Variants in HDLBP observed in about 807,000 individuals in gnomAD.
HDLBP encodes high density lipoprotein binding protein.
Under a neutral mutation model 137.3 loss-of-function variants are expected in HDLBP, and 30 were observed. The observed-to-expected ratio is 0.22, with a 90% CI of 0.16 to 0.30. The LOEUF (loss-of-function observed/expected upper bound fraction) is 0.30, where lower values mean the gene tolerates loss of function less well. Among genes scored for constraint, HDLBP ranks in the 10% least tolerant of loss-of-function variants. HDLBP has a pLI of 1.00. For synonymous variants in HDLBP, 606 were observed against 596.0 expected (o/e 1.02, Z -0.24); for missense variants, 1,119 against 1,667.3 (o/e 0.67, Z 5.73).
At chr2:241,276,602 T>C (rs2074395027) in intron 1 of HDLBP, among the ~76,000 whole-genome samples, 1 of 152,070 alleles carries the variant, frequency 6.6e-6, no homozygotes, top group Admixed American at 6.6e-5. Context: ...TACAGACATA[T>C]AGGCTGAAAT....
chr2:241,233,904 G>T lies in HDLBP; in HGVS notation c.3204C>A (p.Ile1068=). 1 of 1,613,846 alleles carries T rather than the reference G, an allele frequency of 6.2e-7. No individual in the cohort carries two copies. The highest frequency in any genetic ancestry group is 2.2e-5 in the East Asian group (1 of 44,880). The part of the protein sequence containing the change: ...TVDPKYHPKI[I]GRKGAVITQI... ...GGGTAATTACTGCCCCCTTTCTCCCGATAATCTTGGGATGGTATTTGGGGT... is the reference window on the plus strand; with the variant it reads ...GGGTAATTACTGCCCCCTTTCTCCCTATAATCTTGGGATGGTATTTGGGGT... The change falls in exon 24 of 28, where the codon ATC becomes ATA. Residue 1068 remains isoleucine (I), a synonymous_variant. Transcript: ENST00000310931. The surrounding 1 kb of genome is among the most constrained non-coding windows in gnomAD (Gnocchi z 4.3).
At chr2:241,246,524 A>C in intron 16 of HDLBP, 1 of 476,128 alleles carries the variant, frequency 2.1e-6, no homozygotes. Context: ...TAATAAGACA[A>C]GTGCCCACGT....
intron 1 of HDLBP, among the ~76,000 whole-genome samples, chr2:241,312,371 C>G (rs975869552): frequency 6.6e-6 from 1 of 152,202 alleles, no homozygotes; most frequent in Non-Finnish European, 1.5e-5. Flanking sequence ...TCTAAAATGT[C>G]TCTGACTTTA....
chr2:241,297,029 G>C lies in HDLBP; in HGVS notation c.-103+18541C>G, dbSNP rs116804115. ...TACCAACAAGAATCCAACGGCTCAC[G>C]TATCAGTCTGGAAAAAGCACAGACT... On this transcript the variant is annotated intron_variant, in intron 1 of 27. Coordinates refer to ENST00000310931, the MANE Select transcript of HDLBP (RefSeq NM_005336.6). 1.6e-3 allele frequency among the ~76,000 whole-genome samples: 245 copies of C among 152,380 alleles called. 1 individual carries two copies. Among genetic ancestry groups the C allele is most frequent in the African/African-American group, 3.9e-3 (161 of 41,598 alleles).
rs986087495 is a variant in HDLBP, at chr2:241,230,435, G to C, written c.3475-166C>G. Among the ~76,000 whole-genome samples, 2 of 152,256 alleles carry C rather than the reference G, an allele frequency of 1.3e-5. No homozygotes were observed. The highest frequency in any genetic ancestry group is 2.9e-5 in the Non-Finnish European group (2 of 68,044). ...GCCTCATCACCACACCAAGTTAGGT[G>C]TATCTCAGGAGCACCTTGTTCCCAG... On this transcript the variant is annotated intron_variant, in intron 25 of 27. Transcript: ENST00000310931. This position sits in a 1 kb window ranked among gnomAD's most constrained non-coding sequence, Gnocchi z 5.0.
chr2:241,236,576 G>A, intron 21 of HDLBP, 39 bp downstream of exon 21: 1 of 1,607,264 alleles, frequency 6.2e-7, no homozygotes, highest in Non-Finnish European at 8.5e-7. Flanking sequence ...TGCTGACTGG[G>A]CCTTGGCGGG....
chr2:241,248,011 C>T lies in HDLBP; in HGVS notation c.1723G>A (p.Ala575Thr), dbSNP rs1452996011. The change falls in exon 14 of 28, where the codon GCA becomes ACA. Residue 575 changes from alanine (A) to threonine (T), a missense_variant. This residue lies in a region of HDLBP where 425 missense variants were observed against 693.9 expected (regional missense o/e 0.61). Transcript: ENST00000310931. ...KCTKYMQKMV[A>T]DLVENSYSIS... ...ATGTGAAACACCCCTACCAGATCTG[C>T]CACCATCTTCTGCATGTATTTTGTG... is the stretch of plus-strand genomic sequence containing the variant. The T allele has an allele frequency of 6.2e-7, 1 of 1,610,662 alleles. No individual in the cohort carries two copies. The highest frequency in any genetic ancestry group is 1.3e-5 in the African/African-American group (1 of 74,852).
At chr2:241,268,616 A>C in intron 1 of HDLBP, 75 bp from the exon 2 acceptor site, 9 of 473,460 alleles carry the variant, frequency 1.9e-5, no homozygotes, top group Non-Finnish European at 2.5e-5. Context: ...TTTACAACTC[A>C]GATCTTTTTA....
At position 241,239,846 on chromosome 2, in the gene HDLBP, A is replaced by AT; in HGVS notation, c.2392-27dup. 6.2e-7 allele frequency: 1 copy of AT among 1,611,994 alleles called. No individual in the cohort carries two copies. Among genetic ancestry groups the AT allele is most frequent in the Non-Finnish European group, 8.5e-7 (1 of 1,178,346 alleles). ...CTGCAGTGTTAAGAAGAGATGGAAG[A>AT]TAAGCCACCCCATCACGGCCCCAGC... On this transcript the variant is annotated intron_variant, in intron 18 of 27. Coordinates refer to ENST00000310931, the MANE Select transcript of HDLBP (RefSeq NM_005336.6). This position sits in a 1 kb window ranked among gnomAD's most constrained non-coding sequence, Gnocchi z 4.6.
chr2:241,230,514 CA>C lies in HDLBP; in HGVS notation c.3474+244del, dbSNP rs1370393335. 6.6e-6 allele frequency among the ~76,000 whole-genome samples: 1 copy of C among 152,254 alleles called. No homozygotes were observed. The highest frequency in any genetic ancestry group is 1.5e-5 in the Non-Finnish European group (1 of 68,050). ...CGCTCTTGCATGAAATTCCCACCCACAGAGGACGAGCTCGCCAGGCAGCTGT... is the reference window on the plus strand; with the variant it reads ...CGCTCTTGCATGAAATTCCCACCCACGAGGACGAGCTCGCCAGGCAGCTGT... On this transcript the variant is annotated intron_variant, in intron 25 of 27. Transcript: ENST00000310931. The surrounding 1 kb of genome is among the most constrained non-coding windows in gnomAD (Gnocchi z 5.0).
rs767612385 is a variant in HDLBP at position 241,230,282 on chromosome 2, TACA to T, written c.3475-16_3475-14del. The T allele has an allele frequency of 6.0e-6, 9 of 1,512,556 alleles. No individual in the cohort carries two copies. The African/African-American group carries it at 8.3e-5, about 14-fold the overall frequency. 93.7% of individuals were successfully genotyped at this position (1,512,556 alleles called of 1,614,324 possible). On this transcript the variant is annotated splice_polypyrimidine_tract_variant and intron_variant, in intron 25 of 27. Coordinates refer to ENST00000310931, the MANE Select transcript of HDLBP (RefSeq NM_005336.6). The surrounding 1 kb of genome is among the most constrained non-coding windows in gnomAD (Gnocchi z 5.0). Reference sequence around the variant, plus strand: ...AGCGAATGTCCACCTGGAAGGGGTGTACAACGTCAGATGAGGGGACTCCAAGCG... The same window carrying T: ...AGCGAATGTCCACCTGGAAGGGGTGTACGTCAGATGAGGGGACTCCAAGCG...
At chr2:241,236,564 CCTG>C in intron 21 of HDLBP, 48 bp downstream of exon 21, 1 of 1,592,434 alleles carries the variant, frequency 6.3e-7, no homozygotes, top group Non-Finnish European at 8.6e-7. Context: ...TCCCCAGGTG[CCTG>C]CTGACTGGGC....
At position 241,255,453 on chromosome 2, in the gene HDLBP, G is replaced by C; in HGVS notation, c.1001C>G (p.Ser334Ter). Residue 334 changes from serine (S) to a stop codon, truncating the protein, a stop_gained, in exon 8 of 28, where the codon TCA (serine) becomes TGA (stop). Transcript: ENST00000310931. LOFTEE classifies it high-confidence loss of function. ...TATTACAGTCTCAGAGATGCTGTCT[G>C]AGGGTGGGATCTCAACGGAAACTCC... is the stretch of plus-strand genomic sequence containing the variant. ...RTGVSVEIPP[S>*]DSISETVILR... 6.2e-7 allele frequency: 1 copy of C among 1,614,208 alleles called. No individual in the cohort carries two copies. Among genetic ancestry groups the C allele is most frequent in the Non-Finnish European group, 8.5e-7 (1 of 1,180,008 alleles).
intron 14 of HDLBP, 39 bp from the exon 15 acceptor site, chr2:241,247,181 C>A (rs746942775): frequency 7.6e-7 from 1 of 1,314,766 alleles, no homozygotes; most frequent in South Asian, 1.2e-5. Flanking sequence ...ACCACCTGTG[C>A]TAGAGAGTAA....
intron 3 of HDLBP, chr2:241,266,567 G>A (rs1330579630): frequency 2.0e-6 from 1 of 505,306 alleles, no homozygotes; most frequent in Non-Finnish European, 3.5e-6. Flanking sequence ...TTTCCAGAAA[G>A]CTGCCCACAT....
intron 5 of HDLBP, among the ~76,000 whole-genome samples, chr2:241,259,076 A>G (rs2072944606): frequency 6.6e-6 from 1 of 152,236 alleles, no homozygotes; most frequent in Non-Finnish European, 1.5e-5. Flanking sequence ...CCAAATGCCC[A>G]TCAGTAGGAA....
Position 241,272,227 on chromosome 2 carries a change from G to C in HDLBP, c.-102-3686C>G, listed in dbSNP as rs1306625067. ...CTGCGGGGGCCCCGCCGCCCGGTCT[G>C]CGCCCAGACCCCCGCCCCGCCGCCA... On this transcript the variant is annotated intron_variant, in intron 1 of 27. Coordinates refer to ENST00000310931, the MANE Select transcript of HDLBP (RefSeq NM_005336.6). This position sits in a 1 kb window ranked among gnomAD's most constrained non-coding sequence, Gnocchi z 5.6. 7.2e-6 allele frequency: 7 copies of C among 976,652 alleles called. No homozygotes were observed. The East Asian group carries it at 4.6e-4, about 64-fold the overall frequency. 60.5% of individuals were successfully genotyped at this position (976,652 alleles called of 1,614,324 possible).
At chr2:241,246,656 G>A in intron 16 of HDLBP, 96 bp downstream of exon 16, 1 of 1,212,028 alleles carries the variant, frequency 8.3e-7, no homozygotes, top group African/African-American at 1.5e-5. Context: ...AGCCTGCGCT[G>A]GCCCAATGAC....
intron 1 of HDLBP, among the ~76,000 whole-genome samples, chr2:241,283,512 T>C (rs1401505885): frequency 6.6e-6 from 1 of 151,696 alleles, no homozygotes; most frequent in Non-Finnish European, 1.5e-5. Flanking sequence ...TCTCGCTCTA[T>C]GGCCCAGGCT....
Sources: allele counts gnomAD v4.1 joint callset (sites outside exome capture counted in the v4.1 genomes callset), GRCh38; gene constraint gnomAD v4.1.1; regional missense constraint gnomAD v4.1.1; non-coding constraint Gnocchi (gnomAD v3.1); transcripts MANE v1.5; gene names NCBI Gene and HGNC (gene_info 2026-07-23, HGNC 2026-07-21).